ENTREP2: variants seen among roughly 807,000 people sequenced by gnomAD.
The protein encoded by ENTREP2 is endosomal transmembrane epsin interactor 2.
the ENTREP2 span, among the ~76,000 whole-genome samples, chr15:29,554,085 C>A: frequency 1.2e-4 from 19 of 152,064 alleles, no homozygotes; most frequent in Non-Finnish European, 1.3e-4. Context: ...GAGACCGAGG[C>A]GGGCAGATCA....
At chr15:29,170,374 T>C in the ENTREP2 span, among the ~76,000 whole-genome samples, 1 of 143,614 alleles carries the variant, frequency 7.0e-6, no homozygotes, top group Non-Finnish European at 1.5e-5. Context: ...ACAGCAAGTA[T>C]AAGTTTTTTA....
chr15:29,482,403 A>G, the ENTREP2 span, among the ~76,000 whole-genome samples: 1 of 152,158 alleles, frequency 6.6e-6, no homozygotes, highest in African/African-American at 2.4e-5. Flanking sequence ...GGTGTTGTAC[A>G]TTCTGTGGGT....
chr15:29,219,610 C>CATAAATAT, the ENTREP2 span, among the ~76,000 whole-genome samples: 9 of 98,012 alleles, frequency 9.2e-5, no homozygotes, highest in Non-Finnish European at 1.6e-4. Context: ...AACTGTGGTG[C>CATAAATAT]ATAAATATAT....
the ENTREP2 span, among the ~76,000 whole-genome samples, chr15:29,396,693 T>C: frequency 5.9e-5 from 9 of 152,138 alleles, no homozygotes; most frequent in African/African-American, 1.9e-4. Context: ...AAGCCCAGGG[T>C]TGTAAAGCTT....
At chr15:29,141,639 C>T in the ENTREP2 span, among the ~76,000 whole-genome samples, 1 of 152,248 alleles carries the variant, frequency 6.6e-6, no homozygotes, top group Non-Finnish European at 1.5e-5. Context: ...GTCCTTGCCA[C>T]ATCCTGGCTC....
chr15:29,292,063 G>GCT, the ENTREP2 span, among the ~76,000 whole-genome samples: 1 of 152,096 alleles, frequency 6.6e-6, no homozygotes, highest in African/African-American at 2.4e-5. Context: ...TATCCTGAGT[G>GCT]CTATCATTTA....
At chr15:29,252,500 A>C in the ENTREP2 span, 5 of 1,438,414 alleles carry the variant, frequency 3.5e-6, no homozygotes, top group Non-Finnish European at 4.8e-6. Flanking sequence ...CCAAACATAA[A>C]ATTGATTATT....
At chr15:29,221,659 G>A in the ENTREP2 span, among the ~76,000 whole-genome samples, 1 of 151,452 alleles carries the variant, frequency 6.6e-6, no homozygotes, top group Non-Finnish European at 1.5e-5. Flanking sequence ...CTCCTTCTGA[G>A]GCTCTTCTGT....
the ENTREP2 span, chr15:29,267,562 T>C: frequency 5.3e-5 from 8 of 152,172 alleles, no homozygotes; most frequent in South Asian, 2.1e-4. Context: ...CTTTTCCCTA[T>C]ACCTAACTCC....
the ENTREP2 span, among the ~76,000 whole-genome samples, chr15:29,394,321 G>A: frequency 1.3e-5 from 2 of 152,096 alleles, no homozygotes; most frequent in African/African-American, 4.8e-5. Context: ...TTTTCCTTCA[G>A]ATAGTAGAGA....
chr15:29,419,518 A>C, the ENTREP2 span, among the ~76,000 whole-genome samples: 1 of 152,204 alleles, frequency 6.6e-6, no homozygotes, highest in Non-Finnish European at 1.5e-5. Flanking sequence ...TATGTGATTC[A>C]AGTCCCATTC....
At chr15:29,306,664 ATT>A in the ENTREP2 span, among the ~76,000 whole-genome samples, 91 of 77,236 alleles carry the variant, frequency 1.2e-3, no homozygotes, top group East Asian at 4.2e-3. Flanking sequence ...ATAATTGGTA[ATT>A]TTTTTTTTTT....
the ENTREP2 span, among the ~76,000 whole-genome samples, chr15:29,145,280 A>G: frequency 1.3e-5 from 2 of 152,280 alleles, no homozygotes; most frequent in African/African-American, 4.8e-5. Flanking sequence ...GGTCATCTCA[A>G]TAGATGCAGA....
At chr15:29,296,425 T>A in the ENTREP2 span, among the ~76,000 whole-genome samples, 1 of 152,132 alleles carries the variant, frequency 6.6e-6, no homozygotes, top group Non-Finnish European at 1.5e-5. Context: ...ATTAGACCTA[T>A]TTTAAAAAAC....
At chr15:29,262,179 A>G in the ENTREP2 span, among the ~76,000 whole-genome samples, 1 of 151,700 alleles carries the variant, frequency 6.6e-6, no homozygotes, top group Admixed American at 6.6e-5. Context: ...ATATATACAT[A>G]TTGGTTTCCT....
chr15:29,559,664 C>A, the ENTREP2 span, among the ~76,000 whole-genome samples: 8 of 152,126 alleles, frequency 5.3e-5, no homozygotes, highest in African/African-American at 1.9e-4. Flanking sequence ...TCACATCATT[C>A]CAGTCACTGC....
chr15:29,378,479 G>A, the ENTREP2 span, among the ~76,000 whole-genome samples: 1 of 152,194 alleles, frequency 6.6e-6, no homozygotes, highest in Non-Finnish European at 1.5e-5. Context: ...TTGTAGATGA[G>A]ATTAAGTTTT....
At chr15:29,273,000 G>A in the ENTREP2 span, among the ~76,000 whole-genome samples, 2 of 152,032 alleles carry the variant, frequency 1.3e-5, no homozygotes, top group Non-Finnish European at 2.9e-5. Context: ...TACCAGCAGT[G>A]GAGTCTTTTG....
the ENTREP2 span, among the ~76,000 whole-genome samples, chr15:29,283,858 C>G: frequency 3.9e-5 from 6 of 152,194 alleles, no homozygotes; most frequent in Admixed American, 3.9e-4. Flanking sequence ...AAGAGAAACT[C>G]CAAATGCTCA....
Sources: gnomAD v4.1 joint callset for allele counts (sites outside exome capture counted in the v4.1 genomes callset) on GRCh38, gnomAD v4.1.1 for gene constraint, MANE v1.5 for transcripts, NCBI Gene and HGNC (gene_info 2026-07-23, HGNC 2026-07-21) for gene names.